Variants in PCSK7 observed in about 807,000 individuals in gnomAD.
PCSK7 encodes proprotein convertase subtilisin/kexin type 7.
Under a neutral mutation model 73.3 loss-of-function variants are expected in PCSK7, and 38 were observed. The ratio of observed to expected loss-of-function variants is 0.52; its 90% confidence interval spans 0.40 to 0.68. The LOEUF is 0.68. PCSK7 is among the 30% of genes least tolerant of loss of function. The probability of loss-of-function intolerance (pLI) is 0.00; values close to 1 mark genes in which losing one functional copy is unlikely to be tolerated. For synonymous variants in PCSK7, 296 were observed against 383.8 expected, an observed-to-expected ratio of 0.77 and a Z score of 2.68; for missense variants, 692 against 991.5, an observed-to-expected ratio of 0.70 and a Z score of 4.06.
At chr11:117,228,597 T>C (rs548100278) in intron 3 of PCSK7, among the ~76,000 whole-genome samples, 5 of 151,190 alleles carry the variant, frequency 3.3e-5, no homozygotes, top group Admixed American at 2.0e-4. Context: ...GGGTGAAGGG[T>C]TGGATGATAC....
rs535083896 is a variant in PCSK7 at position 117,224,477 on chromosome 11, A to C, written c.915+224T>G. 7.2e-5 allele frequency among the ~76,000 whole-genome samples: 11 copies of C among 152,146 alleles called. No individual in the cohort carries two copies. In the East Asian group the frequency reaches 1.9e-3, roughly 27 times the overall value. On this transcript the variant is annotated intron_variant, in intron 7 of 16. Transcript: ENST00000320934. ...AGGACAGGGTGGGGCCAGGCATGGGAGCTGAGGATAAGATGAAAGGGAAAC... is the reference window on the plus strand; with the variant it reads ...AGGACAGGGTGGGGCCAGGCATGGGCGCTGAGGATAAGATGAAAGGGAAAC...
Position 117,206,282 on chromosome 11 carries a change from C to T in PCSK7, c.2073G>A (p.Arg691=), listed in dbSNP as rs544561003. The part of the protein sequence containing the change: ...YYMLEVYLSQ[R]NVASNQVCRS... ...TACAAACTTGATTGGAAGCCACATT[C>T]CTCTGGCTCAAATATACTTCCAGCA... Residue 691 remains arginine, a synonymous_variant, in exon 17 of 17, where the codon AGG becomes AGA. Transcript: ENST00000320934. The T allele has an allele frequency of 1.2e-6, 2 of 1,614,062 alleles. No individual in the cohort carries two copies. The highest frequency in any genetic ancestry group is 1.7e-6 in the Non-Finnish European group (2 of 1,180,020).
chr11:117,214,487 A>C (rs1441062801), intron 12 of PCSK7: 1 of 152,320 alleles, frequency 6.6e-6, no homozygotes, highest in Non-Finnish European at 1.5e-5. Flanking sequence ...TCAGGCAGAG[A>C]AGGCAGAGGA....
chr11:117,224,123 A>C lies in PCSK7; in HGVS notation c.1009T>G (p.Cys337Gly). The change falls in exon 8 of 17, where the codon TGC becomes GGC. Residue 337 changes from cysteine to glycine, a missense_variant. By Grantham distance (159) the Cys-to-Gly change is radical. Transcript: ENST00000320934. The part of the protein sequence containing the change: ...SGNGGQHNDN[C>G]NYDGYANSIY... ...GAGTTGGCGTAGCCATCGTAGTTGC[A>C]GTTGTCGTTGTGTTGGCCTCCGTTG... The C allele has an allele frequency of 1.2e-6, 2 of 1,614,050 alleles. No homozygotes were observed. The highest frequency in any genetic ancestry group is 1.7e-6 in the Non-Finnish European group (2 of 1,179,978).
intron 9 of PCSK7, chr11:117,221,693 A>T (rs575862370): frequency 6.6e-6 from 1 of 152,486 alleles, no homozygotes; most frequent in Admixed American, 6.5e-5. Context: ...GAGGTGAGTT[A>T]AAATGAGAAA....
At chr11:117,219,003 T>TCCGA in intron 11 of PCSK7, 54 bp downstream of exon 11, 1 of 1,242,440 alleles carries the variant, frequency 8.0e-7, no homozygotes, top group Non-Finnish European at 1.2e-6. Context: ...GGCATTCAGC[T>TCCGA]CCGACCCTTG....
chr11:117,229,945 C>T (rs2032581206), intron 2 of PCSK7, 89 bp from the exon 3 acceptor site: 2 of 744,850 alleles, frequency 2.7e-6, no homozygotes, highest in South Asian at 3.8e-5. Flanking sequence ...TCCATGTGTT[C>T]CCCCTGGAAG....
Position 117,218,642 on chromosome 11 carries a change from G to A in PCSK7, c.1432-74C>T, listed in dbSNP as rs113291793. 46 of 775,718 alleles carry A rather than the reference G, an allele frequency of 5.9e-5. 2 individuals carry two copies. The highest frequency in any genetic ancestry group is 3.0e-4 in the African/African-American group (17 of 57,576). The allele number at this position is 775,718 out of a possible 1,614,324, so 48.1% of individuals were successfully genotyped here. On this transcript the variant is annotated intron_variant, in intron 11 of 16. Coordinates refer to ENST00000320934, the MANE Select transcript of PCSK7 (RefSeq NM_004716.4). This position sits in a 1 kb window ranked among gnomAD's most constrained non-coding sequence, Gnocchi z 4.0. ...CACCCACATTCTCACAAACACACAC[G>A]CCCTTGTCAATACGATCTTGAAGGT...
In PCSK7 at chr11:117,228,343, C is replaced by G; in HGVS notation, c.476G>C (p.Arg159Pro). 1 of 1,613,964 alleles carries G rather than the reference C, an allele frequency of 6.2e-7. No individual in the cohort carries two copies. Among genetic ancestry groups the G allele is most frequent in the African/African-American group, 1.3e-5 (1 of 75,016 alleles). ...GTTGATGTCCCTGCCCGGGCTCCGT[C>G]GGTTATTCTGTAAGAGAGACAGGAT... ...KYPQQWHLNN[R>P]RSPGRDINVT... The change falls in exon 4 of 17, where the codon CGA becomes CCA. Residue 159 changes from arginine to proline, a missense_variant. By Grantham distance (103) the Arg-to-Pro change is moderately radical (BLOSUM62 -2). This residue lies in a region of PCSK7 where 574 missense variants were observed against 689.8 expected (regional missense o/e 0.83). Transcript: ENST00000320934.
rs1161819957 is a variant in PCSK7, at chr11:117,228,335, G to C, written c.484C>G (p.Pro162Ala). 1 of 1,613,902 alleles carries C rather than the reference G, an allele frequency of 6.2e-7. No individual in the cohort carries two copies. The highest frequency in any genetic ancestry group is 1.7e-5 in the Admixed American group (1 of 59,990). ...QQWHLNNRRS[P>A]GRDINVTGVW... is the part of the protein sequence containing the mutation. ...CCCGTCACGTTGATGTCCCTGCCCG[G>C]GCTCCGTCGGTTATTCTGTAAGAGA... Residue 162 changes from proline (P) to alanine (A), a missense_variant, in exon 4 of 17, where the codon CCG (proline) becomes GCG (alanine). Coordinates refer to ENST00000320934, the MANE Select transcript of PCSK7 (RefSeq NM_004716.4).
chr11:117,209,296 C>T (rs2031601115), intron 12 of PCSK7: 1 of 412,456 alleles, frequency 2.4e-6, no homozygotes, highest in African/African-American at 2.2e-5. Context: ...TCCAGCAGAG[C>T]AACTTCAATC....
Position 117,204,524 on chromosome 11 carries a change from GCC to G in PCSK7, c.*1471_*1472del. The G allele has an allele frequency of 9.2e-7, 1 of 1,091,800 alleles. No homozygotes were observed. Among genetic ancestry groups the G allele is most frequent in the Non-Finnish European group, 1.4e-6 (1 of 739,494 alleles). 67.6% of individuals were successfully genotyped at this position (1,091,800 alleles called of 1,614,324 possible). ...CTGCACCTGGGCAGCTCCTCCCTGT[GCC>G]CCCAGCCTCAGCCCAACTTCTTACC... On this transcript the variant is annotated 3_prime_UTR_variant, in exon 17 of 17. Coordinates refer to ENST00000320934, the MANE Select transcript of PCSK7 (RefSeq NM_004716.4).
intron 4 of PCSK7, 95 bp from the exon 5 acceptor site, chr11:117,227,417 T>C: frequency 1.1e-6 from 1 of 915,802 alleles, no homozygotes. Flanking sequence ...AGTTTGGGAA[T>C]CGAAGCTAGG....
At chr11:117,228,407 G>T (rs1001882842) in intron 3 of PCSK7, 57 bp from the exon 4 acceptor site, 38 of 1,537,174 alleles carry the variant, frequency 2.5e-5, no homozygotes, top group Non-Finnish European at 3.4e-5. Flanking sequence ...AGAGGGAGAT[G>T]AAGTTATAGC....
At position 117,219,706 on chromosome 11, in the gene PCSK7, G is replaced by T; in HGVS notation, c.1208C>A (p.Thr403Lys). Residue 403 changes from threonine to lysine, a missense_variant, in exon 10 of 17, where the codon ACA becomes AAA. By Grantham distance (78) the Thr-to-Lys change is moderately conservative. This residue lies in a region of PCSK7 where 574 missense variants were observed against 689.8 expected (regional missense o/e 0.83). Transcript: ENST00000320934. ...CAGAGGCGCTGCAGCTGAGGTCCCT[G>T]TGTGGCCCTCAGTGCAGCCAGTGCC... is the stretch of plus-strand genomic sequence containing the variant. ...QKGTGCTEGH[T>K]GTSAAAPLAA... The T allele has an allele frequency of 6.2e-7, 1 of 1,609,376 alleles. No individual in the cohort carries two copies. The highest frequency in any genetic ancestry group is 1.1e-5 in the South Asian group (1 of 90,566).
At chr11:117,213,538 CAGAA>C (rs2031822239) in intron 12 of PCSK7, 1 of 152,106 alleles carries the variant, frequency 6.6e-6, no homozygotes, top group African/African-American at 2.4e-5. Flanking sequence ...GATTTAGGAA[CAGAA>C]AGATGATGGA....
chr11:117,219,648 C>T lies in PCSK7; in HGVS notation c.1266G>A (p.Val422=), dbSNP rs774459919. 1.2e-6 allele frequency: 2 copies of T among 1,612,594 alleles called. No homozygotes were observed. The highest frequency in any genetic ancestry group is 2.2e-5 in the South Asian group (2 of 90,892). The part of the protein sequence containing the change: ...AAGMIALMLQ[V]RPCLTWRDVQ... ...CGTCACGCCACGTGAGGCAGGGCCG[C>T]ACCTGCAGCATTAAGGCTATCATGC... is the stretch of plus-strand genomic sequence containing the variant. The change falls in exon 10 of 17, where the codon GTG becomes GTA. Residue 422 remains valine (V), a synonymous_variant. Coordinates refer to ENST00000320934, the MANE Select transcript of PCSK7 (RefSeq NM_004716.4).
intron 8 of PCSK7, 52 bp from the exon 9 acceptor site, chr11:117,223,360 C>T (rs774985274): frequency 9.2e-7 from 1 of 1,090,274 alleles, no homozygotes; most frequent in East Asian, 2.4e-5. Context: ...GGTCCTGTGG[C>T]AGGGGCTTGC....
chr11:117,230,622 C>T (rs562138142), intron 1 of PCSK7, among the ~76,000 whole-genome samples, 154 bp from the exon 2 acceptor site: 35 of 152,286 alleles, frequency 2.3e-4, no homozygotes, highest in Non-Finnish European at 4.3e-4. Context: ...AGAACTGGTA[C>T]GGTGAGGCCA....
Sources: gnomAD v4.1 joint callset for allele counts (sites outside exome capture counted in the v4.1 genomes callset) on GRCh38, gnomAD v4.1.1 for gene constraint, gnomAD v4.1.1 regional missense constraint, Gnocchi (gnomAD v3.1) non-coding constraint, MANE v1.5 for transcripts, NCBI Gene and HGNC (gene_info 2026-07-23, HGNC 2026-07-21) for gene names.